The following CAMTA1 variants were observed in gnomAD, a reference collection of about 807,000 sequenced individuals.
CAMTA1 encodes the protein calmodulin-binding transcription activator 1.
A neutral mutation model predicts 170.9 loss-of-function variants in CAMTA1; 27 were observed. That is an observed-to-expected ratio of 0.16 (90% confidence interval 0.12 to 0.22). The LOEUF (loss-of-function observed/expected upper bound fraction) is 0.22. Ranked by LOEUF, CAMTA1 falls within the 10% of genes least tolerant of loss-of-function variation. CAMTA1 has a pLI of 1.00. For missense variants in CAMTA1, 1,619 were observed against 2,217.2 expected, an observed-to-expected ratio of 0.73 and a Z score of 5.42; for synonymous variants, 833 against 891.5, an observed-to-expected ratio of 0.93 and a Z score of 1.17.
At chr1:7,421,095 G>C (rs1188622902) in intron 5 of CAMTA1, among the ~76,000 whole-genome samples, 1 of 152,160 alleles carries the variant, frequency 6.6e-6, no homozygotes, top group African/African-American at 2.4e-5. Context: ...AGCACCCCTT[G>C]GAATAGCGGC....
intron 3 of CAMTA1, among the ~76,000 whole-genome samples, chr1:6,859,934 C>T (rs2148887555): frequency 6.6e-6 from 1 of 152,304 alleles, no homozygotes; most frequent in African/African-American, 2.4e-5. Context: ...AGGTAGAAGA[C>T]TCAGATCTCC....
At chr1:7,575,451 C>A (rs1412289248) in intron 6 of CAMTA1, among the ~76,000 whole-genome samples, 1 of 152,208 alleles carries the variant, frequency 6.6e-6, no homozygotes, top group Non-Finnish European at 1.5e-5. Flanking sequence ...GGGGCAGAAT[C>A]CAGTTTACAG....
chr1:7,595,892 C>G (rs2095395831), intron 6 of CAMTA1, among the ~76,000 whole-genome samples: 1 of 152,218 alleles, frequency 6.6e-6, no homozygotes. Flanking sequence ...ACCTCCCAAT[C>G]TAGCCAAAAG....
intron 11 of CAMTA1, among the ~76,000 whole-genome samples, chr1:7,688,535 C>T (rs144179273): frequency 1.3e-5 from 2 of 152,198 alleles, no homozygotes; most frequent in East Asian, 1.9e-4. Flanking sequence ...GTGCAGCTGC[C>T]GGGAGAAGTG....
intron 3 of CAMTA1, among the ~76,000 whole-genome samples, chr1:6,932,690 A>T (rs1684617918): frequency 6.6e-6 from 1 of 152,196 alleles, no homozygotes; most frequent in South Asian, 2.1e-4. Context: ...AGCCATTCTA[A>T]CAGGCATGTG....
chr1:6,789,804 C>CTT (rs34542033), intron 1 of CAMTA1, among the ~76,000 whole-genome samples: 8,689 of 85,400 alleles, frequency 0.1, 781 homozygotes, highest in East Asian at 0.2. Flanking sequence ...TTTAGTGTAT[C>CTT]TTTTTTTTTT....
chr1:7,260,305 G>T (rs1667982110), intron 5 of CAMTA1, among the ~76,000 whole-genome samples: 1 of 152,182 alleles, frequency 6.6e-6, no homozygotes, highest in Non-Finnish European at 1.5e-5. Flanking sequence ...TTCATACTCA[G>T]CTTATATTTC....
intron 4 of CAMTA1, among the ~76,000 whole-genome samples, chr1:7,189,556 G>A (rs1654119617): frequency 6.6e-6 from 1 of 152,174 alleles, no homozygotes; most frequent in Non-Finnish European, 1.5e-5. Flanking sequence ...AATGATCAGG[G>A]AAATGCAAAT....
At chr1:6,953,564 AG>A (rs1688888483) in intron 3 of CAMTA1, among the ~76,000 whole-genome samples, 2 of 152,156 alleles carry the variant, frequency 1.3e-5, no homozygotes, top group African/African-American at 4.8e-5. Context: ...CCCCGCAGGG[AG>A]CCTGCCTGCT....
chr1:7,749,525 T>A (rs2096880679), intron 19 of CAMTA1, among the ~76,000 whole-genome samples: 1 of 151,812 alleles, frequency 6.6e-6, no homozygotes, highest in African/African-American at 2.4e-5. Flanking sequence ...TTCCAAAATA[T>A]GAGTTTGGTT....
intron 1 of CAMTA1, chr1:6,806,862 A>T (rs1411163972): frequency 7.4e-6 from 3 of 403,968 alleles, no homozygotes; most frequent in Admixed American, 8.6e-5. Flanking sequence ...TTATTACTGG[A>T]GGAATCAGAA....
intron 6 of CAMTA1, among the ~76,000 whole-genome samples, chr1:7,486,299 C>T (rs2093616518): frequency 6.6e-6 from 1 of 152,216 alleles, no homozygotes; most frequent in Non-Finnish European, 1.5e-5. Context: ...CTGTAGCTGT[C>T]TTCAAGCTAC....
chr1:7,414,092 T>C (rs2149274687), intron 5 of CAMTA1, among the ~76,000 whole-genome samples: 1 of 152,366 alleles, frequency 6.6e-6, no homozygotes, highest in South Asian at 2.1e-4. Context: ...CAGCCTTGCA[T>C]CCCAGGGATG....
At chr1:7,461,236 C>A (rs2093080820) in intron 5 of CAMTA1, among the ~76,000 whole-genome samples, 1 of 152,186 alleles carries the variant, frequency 6.6e-6, no homozygotes. Context: ...CAGGTGCCAA[C>A]CTTCAAGCAT....
At chr1:7,145,371 GT>G (rs1646122725) in intron 4 of CAMTA1, among the ~76,000 whole-genome samples, 1 of 152,210 alleles carries the variant, frequency 6.6e-6, no homozygotes, top group Admixed American at 6.5e-5. Context: ...TCAAAAAAGG[GT>G]TTAATTCAAT....
intron 5 of CAMTA1, among the ~76,000 whole-genome samples, chr1:7,369,365 C>T (rs1212311953): frequency 6.6e-6 from 1 of 152,172 alleles, no homozygotes; most frequent in Non-Finnish European, 1.5e-5. Context: ...TTGAGGGGGT[C>T]ATTCACAAGC....
In CAMTA1 at chr1:7,337,151, G is replaced by A. The variant is rs192319544; in HGVS notation, c.438+87525G>A. ...GCAGAATGTTGGTGAGTCCGTAGTG[G>A]CCTGGTGGTTCTAGGAGGCCTGGCT... On this transcript the variant is annotated intron_variant, in intron 5 of 22. Transcript: ENST00000303635. 7.2e-5 allele frequency among the ~76,000 whole-genome samples: 11 copies of A among 152,312 alleles called. No homozygotes were observed. In the East Asian group the frequency reaches 2.1e-3, roughly 29 times the overall value.
At chr1:6,982,563 C>T (rs75596076) in intron 3 of CAMTA1, among the ~76,000 whole-genome samples, 1,881 of 152,286 alleles carry the variant, frequency 0.012, 30 homozygotes, top group African/African-American at 0.043. Context: ...ATTTCACCCT[C>T]GGGAGGCCCT....
At position 7,369,591 on chromosome 1, in the gene CAMTA1, G is replaced by T. The variant is rs992305073; in HGVS notation, c.439-98239G>T. Among the ~76,000 whole-genome samples the T allele has an allele frequency of 2.2e-4, 34 of 151,906 alleles. 1 individual carries two copies. Among genetic ancestry groups the T allele is most frequent in the Admixed American group, 2.2e-3 (34 of 15,242 alleles). On this transcript the variant is annotated intron_variant, in intron 5 of 22. Coordinates refer to ENST00000303635, the MANE Select transcript of CAMTA1 (RefSeq NM_015215.4). ...GTGGGGATTCCAGCCATCCTCTATG[G>T]GTAAGTTGTGGGACCACTAGCGTCT... is the stretch of plus-strand genomic sequence containing the variant.
Sources: allele counts gnomAD v4.1 joint callset (sites outside exome capture counted in the v4.1 genomes callset), GRCh38; gene constraint gnomAD v4.1.1; transcripts MANE v1.5; gene names NCBI Gene and HGNC (gene_info 2026-07-23, HGNC 2026-07-21).